The following SNX29 variants were observed in gnomAD, a reference collection of about 807,000 sequenced individuals.
The protein encoded by SNX29 is sorting nexin-29.
Under a neutral mutation model 102.1 loss-of-function variants are expected in SNX29, and 78 were observed. That is an observed-to-expected ratio of 0.76 (90% CI 0.64 to 0.92). SNX29 has a LOEUF of 0.92. Ranked by LOEUF, SNX29 falls within the 40% of genes least tolerant of loss-of-function variation. The pLI, the probability that SNX29 is intolerant of heterozygous loss-of-function variation, is 0.00. For missense variants in SNX29, 1,280 were observed against 1,061.7 expected, an observed-to-expected ratio of 1.21 and a Z score of -2.86; for synonymous variants, 580 against 414.5, an observed-to-expected ratio of 1.40 and a Z score of -4.85.
At chr16:12,470,577 A>G (rs967546263) in intron 18 of SNX29, among the ~76,000 whole-genome samples, 1 of 152,072 alleles carries the variant, frequency 6.6e-6, no homozygotes, top group African/African-American at 2.4e-5. Context: ...GTTTTGTTTT[A>G]GCACTCAGAA....
At chr16:12,306,095 G>C (rs1473018322) in intron 15 of SNX29, among the ~76,000 whole-genome samples, 1 of 151,736 alleles carries the variant, frequency 6.6e-6, no homozygotes, top group Non-Finnish European at 1.5e-5. Context: ...TCATCCTCAT[G>C]ATCATATGAG....
chr16:11,982,422 AG>A (rs906955350), intron 1 of SNX29, among the ~76,000 whole-genome samples: 6 of 111,732 alleles, frequency 5.4e-5, no homozygotes, highest in African/African-American at 1.9e-4. Context: ...CCTTTCCATC[AG>A]TTTTTTTTTT....
chr16:12,481,395 T>TATACAC (rs536664184), intron 19 of SNX29, among the ~76,000 whole-genome samples: 1,892 of 149,826 alleles, frequency 0.013, 25 homozygotes, highest in Admixed American at 0.022. Context: ...TATATATATA[T>TATACAC]ACACACACAC....
At position 12,572,408 on chromosome 16, in the gene SNX29, C is replaced by T. The variant is rs532644028; in HGVS notation, c.*3779C>T. 18 of 1,063,782 alleles carry T rather than the reference C, an allele frequency of 1.7e-5. No individual in the cohort carries two copies. In the South Asian group the frequency reaches 2.3e-4, roughly 13 times the overall value. 65.9% of individuals were successfully genotyped at this position (1,063,782 alleles called of 1,614,324 possible). On this transcript the variant is annotated 3_prime_UTR_variant, in exon 21 of 21. Coordinates refer to ENST00000566228, the MANE Select transcript of SNX29 (RefSeq NM_032167.5). ...TATCCCAACAGCCTGAGGCAGGGCT[C>T]TGTGGCCCAGGCCGGCAGTGGCTGC...
chr16:12,551,634 G>C (rs778747950), intron 20 of SNX29, among the ~76,000 whole-genome samples: 5 of 152,210 alleles, frequency 3.3e-5, no homozygotes, highest in Admixed American at 6.5e-5. Context: ...CATCAACCCA[G>C]CAAGTATTTT....
At chr16:12,481,405 CACACACATATACAT>C (rs940959479) in intron 19 of SNX29, among the ~76,000 whole-genome samples, 2 of 151,568 alleles carry the variant, frequency 1.3e-5, no homozygotes, top group African/African-American at 2.4e-5. Context: ...TACACACACA[CACACACATATACAT>C]ACACACATAT....
rs192995577 is a variant in SNX29, at chr16:12,103,416, A to G, written c.1403-23217A>G. Among the ~76,000 whole-genome samples the G allele has an allele frequency of 2.0e-4, 30 of 152,296 alleles. 1 individual carries two copies. In the East Asian group the frequency reaches 5.4e-3, roughly 27 times the overall value. The stretch of plus-strand genomic sequence containing the variant: ...AATAATGCCACAAATGATCTTTGAC[A>G]AACCTGACAAAATAAGCAATGGGGA... On this transcript the variant is annotated intron_variant, in intron 11 of 20. Transcript: ENST00000566228.
Position 12,338,200 on chromosome 16 carries a change from G to A in SNX29, c.1783-17963G>A, listed in dbSNP as rs149482379. 2.4e-3 allele frequency among the ~76,000 whole-genome samples: 369 copies of A among 152,310 alleles called. 1 individual carries two copies. Among genetic ancestry groups the A allele is most frequent in the African/African-American group, 8.7e-3 (360 of 41,564 alleles). ...CCAGACATCGCCTCTGCAGTTTGCCGAAACCACGGCTTTTGTTTTCTTTGA... is the reference window on the plus strand; with the variant it reads ...CCAGACATCGCCTCTGCAGTTTGCCAAAACCACGGCTTTTGTTTTCTTTGA... On this transcript the variant is annotated intron_variant, in intron 15 of 20. Coordinates refer to ENST00000566228, the MANE Select transcript of SNX29 (RefSeq NM_032167.5).
At chr16:12,430,872 A>G (rs1223946222) in intron 18 of SNX29, among the ~76,000 whole-genome samples, 4 of 140,834 alleles carry the variant, frequency 2.8e-5, no homozygotes, top group African/African-American at 1.1e-4. Context: ...TTTTTTTGAG[A>G]TGGAATCTCA....
At chr16:12,020,194 C>T (rs1172725826) in intron 3 of SNX29, among the ~76,000 whole-genome samples, 1 of 151,822 alleles carries the variant, frequency 6.6e-6, no homozygotes, top group African/African-American at 2.4e-5. Flanking sequence ...GCGATCCCGG[C>T]TCACTGTAGC....
chr16:12,330,135 C>T lies in SNX29; in HGVS notation c.1783-26028C>T, dbSNP rs192378037. Among the ~76,000 whole-genome samples the T allele has an allele frequency of 2.8e-4, 43 of 152,148 alleles. 1 individual carries two copies. The highest frequency in any genetic ancestry group is 1.9e-4 in the Non-Finnish European group (13 of 68,006). ...GTATTAGTCACTTTTGTTGTTGTTGCGGGAGGCTCAGGATCAGTGATGTGA... is the reference window on the plus strand; with the variant it reads ...GTATTAGTCACTTTTGTTGTTGTTGTGGGAGGCTCAGGATCAGTGATGTGA... On this transcript the variant is annotated intron_variant, in intron 15 of 20. Coordinates refer to ENST00000566228, the MANE Select transcript of SNX29 (RefSeq NM_032167.5).
intron 14 of SNX29, among the ~76,000 whole-genome samples, chr16:12,214,616 C>T (rs2077274072): frequency 6.6e-6 from 1 of 151,892 alleles, no homozygotes; most frequent in Admixed American, 6.6e-5. Context: ...ATACCCTGCA[C>T]AGAGAGAGAG....
At chr16:12,269,292 T>C (rs1317342404) in intron 14 of SNX29, among the ~76,000 whole-genome samples, 3 of 152,194 alleles carry the variant, frequency 2.0e-5, no homozygotes, top group African/African-American at 7.2e-5. Flanking sequence ...ACTAGGTTGA[T>C]TGGCTCAATG....
intron 19 of SNX29, among the ~76,000 whole-genome samples, chr16:12,481,455 CATATATAT>C (rs1555549461): frequency 3.4e-5 from 4 of 117,858 alleles, no homozygotes; most frequent in Admixed American, 2.9e-4. Context: ...CACATATATA[CATATATAT>C]ATACACATAT....
chr16:12,053,501 C>T (rs1192981073), intron 8 of SNX29, among the ~76,000 whole-genome samples: 1 of 151,892 alleles, frequency 6.6e-6, no homozygotes, highest in Non-Finnish European at 1.5e-5. Context: ...TTGATACCAG[C>T]CTGGGCAACA....
chr16:12,435,301 A>G (rs1169066429), intron 18 of SNX29, among the ~76,000 whole-genome samples: 1 of 152,196 alleles, frequency 6.6e-6, no homozygotes, highest in Non-Finnish European at 1.5e-5. Flanking sequence ...GCAGGGACAC[A>G]CTTCTGCCTT....
chr16:12,315,952 A>T (rs1040770317), intron 15 of SNX29, among the ~76,000 whole-genome samples: 4 of 152,198 alleles, frequency 2.6e-5, no homozygotes, highest in African/African-American at 9.7e-5. Flanking sequence ...CCCATGGAAG[A>T]TCCTTTCTAG....
rs28672339 is a variant in SNX29, at chr16:12,512,217, G to T, written c.2179-12485G>T. Among the ~76,000 whole-genome samples the T allele has an allele frequency of 2.9e-3, 437 of 150,852 alleles. 6 individuals carry two copies. The highest frequency in any genetic ancestry group is 0.01 in the African/African-American group (411 of 41,084). ...TTGGGGTGTGAGCATCTCCTTGGTG[G>T]TGTGAAAGTGCCCAGGGAGTGGAGC... On this transcript the variant is annotated intron_variant, in intron 19 of 20. Coordinates refer to ENST00000566228, the MANE Select transcript of SNX29 (RefSeq NM_032167.5).
intron 19 of SNX29, among the ~76,000 whole-genome samples, chr16:12,498,493 C>T (rs1006467895): frequency 3.3e-5 from 5 of 152,304 alleles, no homozygotes; most frequent in Admixed American, 6.5e-5. Context: ...GAGAGGGCTG[C>T]GTGCATATCA....
Sources: gnomAD v4.1 joint callset for allele counts (sites outside exome capture counted in the v4.1 genomes callset) on GRCh38, gnomAD v4.1.1 for gene constraint, MANE v1.5 for transcripts, NCBI Gene and HGNC (gene_info 2026-07-23, HGNC 2026-07-21) for gene names.